LRBA: variants seen among roughly 807,000 people sequenced by gnomAD.
LRBA encodes LPS responsive beige-like anchor protein.
In LRBA, 176 loss-of-function variants were observed where a neutral mutation model predicts 330.0. The observed-to-expected ratio is 0.53, with a 90% CI of 0.47 to 0.60. LRBA has a LOEUF of 0.60. LRBA is among the 20% of genes least tolerant of loss of function. The pLI, the probability that LRBA is intolerant of heterozygous loss-of-function variation, is 0.00. For missense variants in LRBA, 3,259 were observed against 3,444.8 expected, an observed-to-expected ratio of 0.95 and a Z score of 1.35; for synonymous variants, 1,230 against 1,193.0, an observed-to-expected ratio of 1.03 and a Z score of -0.64.
intron 48 of LRBA, among the ~76,000 whole-genome samples, chr4:150,346,774 A>AAAAAAAACAAAC (rs1736398643): frequency 2.0e-5 from 3 of 150,660 alleles, no homozygotes; most frequent in African/African-American, 7.3e-5. Context: ...AAAAAAAAAA[A>AAAAAAAACAAAC]AAAAAAAAAA....
chr4:150,941,584 A>G (rs550164693), intron 2 of LRBA, among the ~76,000 whole-genome samples: 1 of 152,298 alleles, frequency 6.6e-6, no homozygotes, highest in African/African-American at 2.4e-5. Context: ...TTTCTTTCGG[A>G]ACAAACATTT....
intron 26 of LRBA, among the ~76,000 whole-genome samples, chr4:150,846,811 T>TGGGAC (rs1430839549): frequency 6.6e-6 from 1 of 152,208 alleles, no homozygotes; most frequent in Non-Finnish European, 1.5e-5. Context: ...AGTCATTTTT[T>TGGGAC]AAGTCCCATT....
At chr4:150,717,678 A>ATAG (rs1167294853) in intron 36 of LRBA, among the ~76,000 whole-genome samples, 4 of 146,938 alleles carry the variant, frequency 2.7e-5, no homozygotes, top group African/African-American at 9.9e-5. Context: ...AATAATAGTA[A>ATAG]TAATAATAAT....
intron 47 of LRBA, among the ~76,000 whole-genome samples, chr4:150,379,296 T>A (rs1741830393): frequency 1.2e-5 from 1 of 86,072 alleles, no homozygotes; most frequent in Non-Finnish European, 2.1e-5. Flanking sequence ...AGAGGGAAAC[T>A]CTAGCTCAAA....
intron 2 of LRBA, chr4:151,013,728 G>A (rs1475423203): frequency 8.2e-6 from 1 of 122,674 alleles, no homozygotes; most frequent in Non-Finnish European, 1.6e-5. Context: ...AGCATTCATA[G>A]CTCATCTTAG....
intron 56 of LRBA, among the ~76,000 whole-genome samples, chr4:150,277,171 G>T (rs932030226): frequency 2.6e-5 from 4 of 151,310 alleles, no homozygotes; most frequent in Non-Finnish European, 5.9e-5. Context: ...AACTAACACA[G>T]GAACAGAAAA....
At chr4:150,410,078 C>A (rs1373868498) in intron 47 of LRBA, among the ~76,000 whole-genome samples, 1 of 152,090 alleles carries the variant, frequency 6.6e-6, no homozygotes, top group East Asian at 1.9e-4. Context: ...AAGCTTCTGG[C>A]ATTTCAATTC....
intron 2 of LRBA, among the ~76,000 whole-genome samples, chr4:150,966,675 C>T (rs1008298323): frequency 1.3e-5 from 2 of 152,088 alleles, no homozygotes; most frequent in Non-Finnish European, 1.5e-5. Flanking sequence ...AATCAGGATG[C>T]TTTCTAGATA....
intron 36 of LRBA, among the ~76,000 whole-genome samples, chr4:150,691,074 C>T (rs1416826604): frequency 6.6e-5 from 10 of 151,872 alleles, no homozygotes; most frequent in South Asian, 2.1e-4. Flanking sequence ...GGACCACAGG[C>T]GCCTGCCACC....
chr4:150,357,124 GC>G (rs1737951199), intron 47 of LRBA, among the ~76,000 whole-genome samples: 1 of 151,992 alleles, frequency 6.6e-6, no homozygotes, highest in Non-Finnish European at 1.5e-5. Flanking sequence ...CTTCTAAACT[GC>G]CCTTGAACTG....
At chr4:150,549,680 A>AT (rs1766339459) in intron 40 of LRBA, among the ~76,000 whole-genome samples, 1 of 152,190 alleles carries the variant, frequency 6.6e-6, no homozygotes, top group Non-Finnish European at 1.5e-5. Context: ...GTTGAGAATT[A>AT]TTTTAATACT....
At chr4:150,832,626 T>C (rs1020145345) in intron 28 of LRBA, among the ~76,000 whole-genome samples, 4 of 151,972 alleles carry the variant, frequency 2.6e-5, no homozygotes, top group Admixed American at 2.0e-4. Flanking sequence ...AATAAATAAA[T>C]AAACAATGAT....
At chr4:150,829,048 C>T (rs556533404) in intron 29 of LRBA, among the ~76,000 whole-genome samples, 1 of 152,010 alleles carries the variant, frequency 6.6e-6, no homozygotes, top group African/African-American at 2.4e-5. Context: ...GATCCTCCCA[C>T]CTAAGCCTCT....
intron 40 of LRBA, among the ~76,000 whole-genome samples, chr4:150,540,200 T>G (rs527681399): frequency 6.6e-6 from 1 of 152,284 alleles, no homozygotes; most frequent in East Asian, 1.9e-4. Context: ...TGCTGAACAT[T>G]TGGGATGGGT....
At chr4:150,673,143 T>A (rs547098396) in intron 37 of LRBA, among the ~76,000 whole-genome samples, 2 of 152,330 alleles carry the variant, frequency 1.3e-5, no homozygotes, top group East Asian at 3.9e-4. Context: ...GAGGCATAAA[T>A]GACTTCTCTC....
intron 51 of LRBA, among the ~76,000 whole-genome samples, chr4:150,311,601 G>A (rs965612905): frequency 2.6e-5 from 4 of 152,146 alleles, no homozygotes; most frequent in East Asian, 1.9e-4. Flanking sequence ...CGGCACACAC[G>A]TACACATACA....
chr4:150,534,541 A>C (rs1764435698), intron 40 of LRBA, among the ~76,000 whole-genome samples: 1 of 151,968 alleles, frequency 6.6e-6, no homozygotes, highest in African/African-American at 2.4e-5. Context: ...TGTTCTCCAC[A>C]AATAATCCTT....
intron 2 of LRBA, among the ~76,000 whole-genome samples, chr4:151,004,856 T>C (rs931660495): frequency 3.9e-5 from 6 of 152,062 alleles, no homozygotes; most frequent in Non-Finnish European, 8.8e-5. Flanking sequence ...CATGGCGGCA[T>C]GAGCCTTGTA....
chr4:150,877,183 G>A (rs895918934), intron 17 of LRBA, among the ~76,000 whole-genome samples: 1 of 151,616 alleles, frequency 6.6e-6, no homozygotes, highest in East Asian at 1.9e-4. Flanking sequence ...GCATGAACCT[G>A]GGAGGCAGAG....
Sources: gnomAD v4.1 joint callset for allele counts (sites outside exome capture counted in the v4.1 genomes callset) on GRCh38, gnomAD v4.1.1 for gene constraint, MANE v1.5 for transcripts, NCBI Gene and HGNC (gene_info 2026-07-23, HGNC 2026-07-21) for gene names.